Variants in DNAH8 observed in about 807,000 individuals in gnomAD.
DNAH8 encodes dynein axonemal heavy chain 8.
A neutral mutation model predicts 562.1 loss-of-function variants in DNAH8; 382 were observed. The observed-to-expected ratio is 0.68, with a 90% CI of 0.63 to 0.74. DNAH8 has a LOEUF of 0.74. Ranked by LOEUF, DNAH8 falls within the 30% of genes least tolerant of loss-of-function variation. The pLI is 0.00. For synonymous variants in DNAH8, 1,881 were observed against 1,919.4 expected (o/e 0.98, Z 0.52); for missense variants, 5,203 against 5,620.4 (o/e 0.93, Z 2.37).
At chr6:38,870,675 A>G (rs1345868528) in intron 49 of DNAH8, 113 bp downstream of exon 49, 7 of 1,050,910 alleles carry the variant, frequency 6.7e-6, no homozygotes, top group South Asian at 4.4e-5. Flanking sequence ...AAATGAAAAC[A>G]TCATATATAC....
At chr6:38,949,378 T>G in intron 80 of DNAH8, 74 bp from the exon 81 acceptor site, 1 of 913,088 alleles carries the variant, frequency 1.1e-6, no homozygotes, top group East Asian at 2.4e-5. Flanking sequence ...CCCTCTCAGG[T>G]GATTCAGAAT....
At chr6:38,939,340 A>G (rs1783247869) in intron 79 of DNAH8, among the ~76,000 whole-genome samples, 1 of 152,206 alleles carries the variant, frequency 6.6e-6, no homozygotes, top group Admixed American at 6.5e-5. Flanking sequence ...TTCAGACTGC[A>G]AGAAAAGGCT....
intron 4 of DNAH8, among the ~76,000 whole-genome samples, chr6:38,731,466 A>G (rs1441048078): frequency 1.3e-5 from 2 of 152,194 alleles, no homozygotes; most frequent in Non-Finnish European, 2.9e-5. Context: ...CATTAGGCTG[A>G]TATAACTGTA....
Position 38,893,742 on chromosome 6 carries a change from A to G in DNAH8, c.8584-959A>G, listed in dbSNP as rs1018939743. On this transcript the variant is annotated intron_variant, in intron 58 of 92. Transcript: ENST00000327475. Reference sequence around the variant, plus strand: ...TTAGCCTGTAAAAATTACAAACTCAATAGGGTAATTTTTCAGTATAGAAAG... The same window carrying G: ...TTAGCCTGTAAAAATTACAAACTCAGTAGGGTAATTTTTCAGTATAGAAAG... 8.5e-5 allele frequency among the ~76,000 whole-genome samples: 13 copies of G among 152,304 alleles called. No homozygotes were observed. The East Asian group carries it at 1.7e-3, about 20-fold the overall frequency.
At chr6:39,021,118 GAA>G in intron 91 of DNAH8, among the ~76,000 whole-genome samples, 1 of 152,198 alleles carries the variant, frequency 6.6e-6, no homozygotes, top group Admixed American at 6.5e-5. Context: ...TGGCTGCGGA[GAA>G]ATAGGAATGC....
At chr6:38,756,508 G>A (rs1260873729) in intron 10 of DNAH8, among the ~76,000 whole-genome samples, 1 of 151,628 alleles carries the variant, frequency 6.6e-6, no homozygotes, top group African/African-American at 2.4e-5. Flanking sequence ...ATTTAAATTT[G>A]CTAGCCAATG....
At chr6:38,958,452 A>AACT (rs1219052671) in intron 82 of DNAH8, among the ~76,000 whole-genome samples, 1 of 151,404 alleles carries the variant, frequency 6.6e-6, no homozygotes, top group East Asian at 1.9e-4. Context: ...GAGACATCAT[A>AACT]ACTGATAACA....
chr6:39,021,569 G>C (rs1341333524), intron 91 of DNAH8, among the ~76,000 whole-genome samples: 1 of 152,194 alleles, frequency 6.6e-6, no homozygotes, highest in African/African-American at 2.4e-5. Flanking sequence ...ATTCAACGGG[G>C]TTGACCAACC....
chr6:38,892,211 G>A lies in DNAH8; in HGVS notation c.8583+1450G>A, dbSNP rs189766617. ...TCTATCTACATTCTTTCCCTAGGTGGCCTCATCAAGCTTCAAGGCTCTAAA... is the reference window on the plus strand; with the variant it reads ...TCTATCTACATTCTTTCCCTAGGTGACCTCATCAAGCTTCAAGGCTCTAAA... On this transcript the variant is annotated intron_variant, in intron 58 of 92. Transcript: ENST00000327475. 4.9e-3 allele frequency among the ~76,000 whole-genome samples: 742 copies of A among 152,000 alleles called. 3 individuals are homozygous for A. Among genetic ancestry groups the A allele is most frequent in the Non-Finnish European group, 8.8e-3 (598 of 67,978 alleles).
intron 91 of DNAH8, among the ~76,000 whole-genome samples, chr6:39,020,725 G>T (rs1325836451): frequency 9.2e-5 from 14 of 152,004 alleles, no homozygotes; most frequent in Admixed American, 9.2e-4. Context: ...GTGTCCATGT[G>T]TTCTCATTGT....
chr6:38,779,108 G>T (rs1768333593), intron 14 of DNAH8, among the ~76,000 whole-genome samples: 1 of 152,058 alleles, frequency 6.6e-6, no homozygotes, highest in South Asian at 2.1e-4. Context: ...AGATTAGAGG[G>T]CTGAGCGGGA....
intron 68 of DNAH8, among the ~76,000 whole-genome samples, chr6:38,916,690 A>C (rs1018581156): frequency 6.6e-6 from 1 of 152,178 alleles, no homozygotes; most frequent in African/African-American, 2.4e-5. Context: ...CATGTTATTG[A>C]TCATATGGTC....
At chr6:38,852,234 C>T (rs1248186029) in intron 39 of DNAH8, among the ~76,000 whole-genome samples, 1 of 152,130 alleles carries the variant, frequency 6.6e-6, no homozygotes, top group Non-Finnish European at 1.5e-5. Context: ...AAGGTCCCAT[C>T]CCAGGGCCAA....
intron 11 of DNAH8, among the ~76,000 whole-genome samples, chr6:38,768,625 T>G (rs1478860803): frequency 1.3e-5 from 2 of 152,204 alleles, no homozygotes; most frequent in African/African-American, 4.8e-5. Flanking sequence ...TCAGTTTTAG[T>G]AAGTTGATAT....
intron 81 of DNAH8, among the ~76,000 whole-genome samples, chr6:38,949,912 A>T (rs936593011): frequency 7.2e-5 from 11 of 152,202 alleles, no homozygotes; most frequent in Admixed American, 2.0e-4. Flanking sequence ...AGTGTAAATC[A>T]GTTATTGTTG....
At chr6:39,003,869 A>T (rs1377044151) in intron 88 of DNAH8, among the ~76,000 whole-genome samples, 1 of 152,238 alleles carries the variant, frequency 6.6e-6, no homozygotes, top group East Asian at 1.9e-4. Flanking sequence ...ACTGTATATA[A>T]AATGTAAAGG....
At chr6:38,904,329 G>A (rs116226296) in intron 62 of DNAH8, among the ~76,000 whole-genome samples, 2,215 of 152,200 alleles carry the variant, frequency 0.015, 30 homozygotes, top group Admixed American at 0.031. Flanking sequence ...TGTGGTCATG[G>A]GGAGTACGAA....
intron 45 of DNAH8, among the ~76,000 whole-genome samples, chr6:38,865,687 A>G (rs182300073): frequency 1.3e-5 from 2 of 152,318 alleles, no homozygotes; most frequent in Admixed American, 1.3e-4. Flanking sequence ...CGCAGTGTAG[A>G]ATATAATCAC....
At position 38,845,771 on chromosome 6, in the gene DNAH8, C is replaced by G. The variant is rs1353552757; in HGVS notation, c.5043C>G (p.Asn1681Lys). ...TGGTCTTAGGGTCTTTACTCAGCAA[C>G]AGGTAATTTTATAATTTGAGAGAGA... The part of the protein sequence containing the change: ...SLMVLGSLLS[N>K]RYNAPFKKNI... Residue 1681 changes from asparagine to lysine, a missense_variant and splice_region_variant, in exon 36 of 93, where the codon AAC becomes AAG. By Grantham distance (94) the Asn-to-Lys change is moderately conservative. Transcript: ENST00000327475. 3 of 1,607,760 alleles carry G rather than the reference C, an allele frequency of 1.9e-6. No homozygotes were observed. Among genetic ancestry groups the G allele is most frequent in the Admixed American group, 1.7e-5 (1 of 59,922 alleles).
Sources: allele counts gnomAD v4.1 joint callset (sites outside exome capture counted in the v4.1 genomes callset), GRCh38; gene constraint gnomAD v4.1.1; transcripts MANE v1.5; gene names NCBI Gene and HGNC (gene_info 2026-07-23, HGNC 2026-07-21).